The following GRM4 variants were observed in gnomAD, a reference collection of about 807,000 sequenced individuals.
The protein encoded by GRM4 is metabotropic glutamate receptor 4.
Under a neutral mutation model 81.7 loss-of-function variants are expected in GRM4, and 28 were observed. The observed-to-expected ratio is 0.34, with a 90% CI of 0.25 to 0.47. The LOEUF is 0.47. Among genes scored for constraint, GRM4 ranks in the 20% least tolerant of loss-of-function variants. The pLI, the probability that GRM4 is intolerant of heterozygous loss-of-function variation, is 1.00. For synonymous variants in GRM4, 488 were observed against 528.8 expected (o/e 0.92, Z 1.06); for missense variants, 948 against 1,290.0 (o/e 0.73, Z 4.06).
intron 1 of GRM4, among the ~76,000 whole-genome samples, chr6:34,139,875 A>G (rs1770607356): frequency 6.6e-6 from 1 of 152,168 alleles, no homozygotes; most frequent in Non-Finnish European, 1.5e-5. Context: ...TGTGACATTC[A>G]AAGGTGCTCT....
exon 1 of GRM4, chr6:34,155,168 G>T: frequency 6.5e-7 from 1 of 1,535,324 alleles, no homozygotes; most frequent in Non-Finnish European, 8.7e-7. Flanking sequence ...TCGGATTCGT[G>T]CGCGGCCAGG....
chr6:34,133,256 C>T lies in GRM4; in HGVS notation c.241G>A (p.Ala81Thr). 2 of 1,614,194 alleles carry T rather than the reference C, an allele frequency of 1.2e-6. No individual in the cohort carries two copies. Among genetic ancestry groups the T allele is most frequent in the Non-Finnish European group, 1.7e-6 (2 of 1,180,034 alleles). ...KKEKGIHRLE[A>T]MLFALDRINN... Reference sequence around the variant, plus strand: ...ATGCGATCCAGGGCGAACAGCATGGCCTCCAGCCGGTGGATGCCCTTTTCC... The same window carrying T: ...ATGCGATCCAGGGCGAACAGCATGGTCTCCAGCCGGTGGATGCCCTTTTCC... The change falls in exon 2 of 11, where the codon GCC becomes ACC. Residue 81 changes from alanine to threonine, a missense_variant. Transcript: ENST00000538487. The surrounding 1 kb of genome is among the most constrained non-coding windows in gnomAD (Gnocchi z 6.5).
rs1769396017 is a variant in GRM4 at position 34,111,867 on chromosome 6, G to C, written c.520-19768C>G. On this transcript the variant is annotated intron_variant, in intron 2 of 10. Coordinates refer to ENST00000538487, the MANE Select transcript of GRM4 (RefSeq NM_000841.4). The surrounding 1 kb of genome is among the most constrained non-coding windows in gnomAD (Gnocchi z 5.1). Reference sequence around the variant, plus strand: ...CTGCCCAGGAATTGGCACTGCTTGGGGGAGTGTGGCCAGACCAGACGCACC... The same window carrying C: ...CTGCCCAGGAATTGGCACTGCTTGGCGGAGTGTGGCCAGACCAGACGCACC... 6.6e-6 allele frequency among the ~76,000 whole-genome samples: 1 copy of C among 152,186 alleles called. No homozygotes were observed. The highest frequency in any genetic ancestry group is 6.5e-5 in the Admixed American group (1 of 15,280).
At chr6:34,144,319 C>A (rs1024858109) in intron 1 of GRM4, among the ~76,000 whole-genome samples, 1 of 152,176 alleles carries the variant, frequency 6.6e-6, no homozygotes, top group African/African-American at 2.4e-5. Context: ...CTGCGAGCGC[C>A]GGGGAAGACC....
chr6:34,128,766 G>A (rs1431282614), intron 2 of GRM4, among the ~76,000 whole-genome samples: 2 of 152,282 alleles, frequency 1.3e-5, no homozygotes, highest in Non-Finnish European at 1.5e-5. Context: ...AGGCAGAGAA[G>A]GGTTAAGCAG....
chr6:34,039,075 T>C (rs1327497784), intron 8 of GRM4, among the ~76,000 whole-genome samples: 1 of 152,156 alleles, frequency 6.6e-6, no homozygotes, highest in East Asian at 1.9e-4. Flanking sequence ...GTTATCCCAC[T>C]TTGCCAAGTG....
At chr6:34,046,419 G>T (rs1224328509) in intron 6 of GRM4, among the ~76,000 whole-genome samples, 1 of 152,214 alleles carries the variant, frequency 6.6e-6, no homozygotes, top group Non-Finnish European at 1.5e-5. Flanking sequence ...CCAAGCAGAT[G>T]CTGAGGAGGA....
In GRM4 at chr6:34,040,236, C is replaced by A. The variant is rs755343518; in HGVS notation, c.1448G>T (p.Arg483Leu). Reference sequence around the variant, plus strand: ...GACCTTGTACTCGGCAGAATCGTTGCGCAGCTGGTATTGGTAGATGTCATA... The same window carrying A: ...GACCTTGTACTCGGCAGAATCGTTGAGCAGCTGGTATTGGTAGATGTCATA... ...GRYDIYQYQL[R>L]NDSAEYKVIG... The change falls in exon 8 of 11, where the codon CGC becomes CTC. Residue 483 changes from arginine (R) to leucine (L), a missense_variant. Transcript: ENST00000538487. 1.9e-6 allele frequency: 3 copies of A among 1,613,976 alleles called. No homozygotes were observed. In the East Asian group the frequency reaches 6.7e-5, roughly 36 times the overall value.
chr6:34,089,957 C>A lies in GRM4; in HGVS notation c.736+1926G>T, dbSNP rs1038910718. ...ACAGAAGACAGAGAAGACAAGAGTA[C>A]AGAAACAGATGAGACCTCTAGTTCC... On this transcript the variant is annotated intron_variant, in intron 3 of 10. Transcript: ENST00000538487. The surrounding 1 kb of genome is among the most constrained non-coding windows in gnomAD (Gnocchi z 4.3). Among the ~76,000 whole-genome samples the A allele has an allele frequency of 6.6e-6, 1 of 152,162 alleles. No homozygotes were observed. Among genetic ancestry groups the A allele is most frequent in the South Asian group, 2.1e-4 (1 of 4,826 alleles).
At position 34,090,316 on chromosome 6, in the gene GRM4, A is replaced by T. The variant is rs2127485271; in HGVS notation, c.736+1567T>A. On this transcript the variant is annotated intron_variant, in intron 3 of 10. Transcript: ENST00000538487. The surrounding 1 kb of genome is among the most constrained non-coding windows in gnomAD (Gnocchi z 5.2). ...AGGTCATGCATTAAACAGAAAAGGT[A>T]GGAGGTTGGTTTGGGGAAGAGTTGA... Among the ~76,000 whole-genome samples, 1 of 152,268 alleles carries T rather than the reference A, an allele frequency of 6.6e-6. No individual in the cohort carries two copies. Among genetic ancestry groups the T allele is most frequent in the South Asian group, 2.1e-4 (1 of 4,828 alleles).
At chr6:34,101,932 C>T (rs895926528) in intron 2 of GRM4, 9 of 1,294,518 alleles carry the variant, frequency 7.0e-6, no homozygotes, top group South Asian at 2.7e-5. Flanking sequence ...GCTTCTCTCC[C>T]GGAGGCCAGG....
chr6:34,143,081 G>A (rs1203788377), intron 1 of GRM4, among the ~76,000 whole-genome samples: 1 of 152,222 alleles, frequency 6.6e-6, no homozygotes, highest in Non-Finnish European at 1.5e-5. Flanking sequence ...GGAAAGGGTA[G>A]TCCCTGAAGT....
intron 3 of GRM4, among the ~76,000 whole-genome samples, chr6:34,067,366 T>TTCGCTCCCTCCCTCCGTCCTTCCC (rs1489554680): frequency 9.7e-4 from 143 of 146,790 alleles, no homozygotes; most frequent in African/African-American, 3.5e-3. Context: ...TCCTCCTTCC[T>TTCGCTCCCTCCCTCCGTCCTTCCC]TCGCTCCCTC....
intron 3 of GRM4, among the ~76,000 whole-genome samples, chr6:34,065,020 G>A (rs1352455870): frequency 4.6e-5 from 7 of 152,276 alleles, no homozygotes; most frequent in Admixed American, 1.3e-4. Flanking sequence ...CCCTTTCCTT[G>A]CAAAGCAATG....
intron 8 of GRM4, among the ~76,000 whole-genome samples, chr6:34,039,827 C>T (rs1471888054): frequency 1.3e-5 from 2 of 151,772 alleles, no homozygotes; most frequent in Non-Finnish European, 2.9e-5. Context: ...CCCCCATCAC[C>T]CCCCACTTGC....
At position 34,074,355 on chromosome 6, in the gene GRM4, C is replaced by T. The variant is rs1200244420; in HGVS notation, c.737-12327G>A. Among the ~76,000 whole-genome samples, 1 of 152,238 alleles carries T rather than the reference C, an allele frequency of 6.6e-6. No individual in the cohort carries two copies. Among genetic ancestry groups the T allele is most frequent in the African/African-American group, 2.4e-5 (1 of 41,460 alleles). On this transcript the variant is annotated intron_variant, in intron 3 of 10. Transcript: ENST00000538487. This position sits in a 1 kb window ranked among gnomAD's most constrained non-coding sequence, Gnocchi z 4.9. The stretch of plus-strand genomic sequence containing the variant: ...TGCGGTGAGGATTAGAGCGGATTGC[C>T]CGTGGACAGGGTCAGCCCCTAGGGG...
chr6:34,058,357 T>C (rs545473817), intron 5 of GRM4, among the ~76,000 whole-genome samples: 19 of 152,174 alleles, frequency 1.2e-4, no homozygotes, highest in Non-Finnish European at 2.6e-4. Flanking sequence ...GGAAGTACCT[T>C]GGAGAGGCAG....
At chr6:34,032,228 G>T (rs912741397) in intron 9 of GRM4, among the ~76,000 whole-genome samples, 6 of 151,654 alleles carry the variant, frequency 4.0e-5, no homozygotes, top group Non-Finnish European at 5.9e-5. Context: ...CATGCACATG[G>T]GCACACACCT....
upstream of GRM4, among the ~76,000 whole-genome samples, chr6:34,147,347 A>G (rs1006629478): frequency 1.2e-4 from 18 of 152,164 alleles, no homozygotes; most frequent in African/African-American, 3.1e-4. Flanking sequence ...TTTTGTAGAG[A>G]TATAAGCAAA....
Sources: gnomAD v4.1 joint callset for allele counts (sites outside exome capture counted in the v4.1 genomes callset) on GRCh38, gnomAD v4.1.1 for gene constraint, Gnocchi (gnomAD v3.1) non-coding constraint, MANE v1.5 for transcripts, NCBI Gene and HGNC (gene_info 2026-07-23, HGNC 2026-07-21) for gene names.